Variants in RFPL2 observed in about 807,000 individuals in gnomAD.
RFPL2 encodes the protein ret finger protein-like 2.
In RFPL2, 13 loss-of-function variants were observed where a neutral mutation model predicts 17.8. The observed-to-expected ratio is 0.73, with a 90% confidence interval of 0.47 to 1.16. The LOEUF is 1.16. RFPL2 is among the 50% of genes most tolerant of loss of function. RFPL2 has a pLI of 0.00. For missense variants in RFPL2, 431 were observed against 479.3 expected (o/e 0.90, Z 0.94); for synonymous variants, 189 against 180.9 (o/e 1.04, Z -0.36).
chr22:32,194,146 G>A (rs125964), intron 3 of RFPL2, among the ~76,000 whole-genome samples, 199 bp downstream of exon 3: 81,968 of 152,006 alleles, frequency 0.54, 24,297 homozygotes, highest in African/African-American at 0.78. Context: ...AGCCTTGGAA[G>A]TGAATACCAA....
intron 1 of RFPL2, chr22:32,203,456 T>C (rs1924176651): frequency 6.6e-6 from 1 of 151,138 alleles, no homozygotes; most frequent in South Asian, 2.1e-4. Context: ...AACCCGGTAC[T>C]CGCCGCGGCA....
chr22:32,194,453 C>T lies in RFPL2; in HGVS notation c.157G>A (p.Val53Met), dbSNP rs1383352202. 1 of 1,611,866 alleles carries T rather than the reference C, an allele frequency of 6.2e-7. No homozygotes were observed. The highest frequency in any genetic ancestry group is 1.1e-5 in the South Asian group (1 of 90,584). The change falls in exon 3 of 5, where the codon GTG (valine) becomes ATG (methionine). Residue 53 changes from valine (V) to methionine (M), a missense_variant. Coordinates refer to ENST00000652607, the MANE Select transcript of RFPL2 (RefSeq NM_001394555.1). ...TTATTGGTGAGATTCCCACCTCCCA[C>T]TGGGTCACGCCCTTCCACACCCTCT... The part of the protein sequence containing the change: ...RLEGVEGRDP[V>M]GGGNLTNKRP...
intron 4 of RFPL2, 122 bp downstream of exon 4, chr22:32,192,780 G>A (rs1922816635): frequency 7.5e-7 from 1 of 1,338,508 alleles, no homozygotes; most frequent in Admixed American, 2.3e-5. Flanking sequence ...ATCTGATGAT[G>A]AAGCATCTCA....
intron 4 of RFPL2, among the ~76,000 whole-genome samples, chr22:32,191,948 C>T (rs1922703738): frequency 6.6e-6 from 1 of 151,798 alleles, no homozygotes; most frequent in African/African-American, 2.4e-5. Flanking sequence ...AACATATGAT[C>T]CTTCAAGTCA....
rs201412314 is a variant in RFPL2 at position 32,193,000 on chromosome 22, C to G, written c.458G>C (p.Arg153Pro). 1.2e-5 allele frequency: 19 copies of G among 1,614,134 alleles called. No homozygotes were observed. The Middle Eastern group carries it at 5.0e-4, about 42-fold the overall frequency. The part of the protein sequence containing the change: ...SMVSRKNKIR[R>P]NRQLERLASH... ...AGCCAGCCTCTCTAGCTGCCGATTG[C>G]GCCTGATTTTGTTCTTCCGAGAGAC... The change falls in exon 4 of 5, where the codon CGC becomes CCC. Residue 153 changes from arginine (R) to proline (P), a missense_variant. Arg to Pro is a moderately radical substitution (Grantham distance 103). Transcript: ENST00000652607.
chr22:32,191,470 C>T (rs958216872), intron 4 of RFPL2, 118 bp from the exon 5 acceptor site: 501 of 1,315,220 alleles, frequency 3.8e-4, no homozygotes, highest in Non-Finnish European at 4.7e-4. Context: ...CTTCTTCCCC[C>T]AAAATCCAAA....
intron 4 of RFPL2, 43 bp downstream of exon 4, chr22:32,192,859 T>C (rs764964893): frequency 1.2e-5 from 18 of 1,551,060 alleles, no homozygotes; most frequent in Non-Finnish European, 1.7e-6. Flanking sequence ...TGATTTTTCC[T>C]GGTCTGGTCT....
chr22:32,201,353 CT>C (rs1215348372), intron 2 of RFPL2, among the ~76,000 whole-genome samples: 5 of 152,114 alleles, frequency 3.3e-5, no homozygotes, highest in African/African-American at 1.2e-4. Context: ...TCCCTTATTT[CT>C]ATGAGAATAT....
At chr22:32,193,884 A>G (rs1400071266) in intron 3 of RFPL2, among the ~76,000 whole-genome samples, 2 of 139,314 alleles carry the variant, frequency 1.4e-5, no homozygotes, top group East Asian at 4.0e-4. Flanking sequence ...AAAAAAAAAA[A>G]AAGAGGGGCT....
At chr22:32,204,158 A>C (rs1924293164) in intron 1 of RFPL2, among the ~76,000 whole-genome samples, 1 of 53,404 alleles carries the variant, frequency 1.9e-5, no homozygotes, top group Non-Finnish European at 3.5e-5. Context: ...ATAACGCCCC[A>C]ACACGCTCCT....
At chr22:32,201,362 T>C (rs1923902398) in intron 2 of RFPL2, among the ~76,000 whole-genome samples, 1 of 152,182 alleles carries the variant, frequency 6.6e-6, no homozygotes, top group Non-Finnish European at 1.5e-5. Flanking sequence ...TCTATGAGAA[T>C]ATGCAAAGCA....
chr22:32,191,471 A>G, intron 4 of RFPL2, 119 bp from the exon 5 acceptor site: 1 of 1,314,412 alleles, frequency 7.6e-7, no homozygotes, highest in South Asian at 1.5e-5. Context: ...TTCTTCCCCC[A>G]AAATCCAAAC....
chr22:32,200,252 CA>C, intron 2 of RFPL2: 1 of 270,512 alleles, frequency 3.7e-6, no homozygotes. Context: ...ACCCTCGCCC[CA>C]CCCATGGGGG....
Position 32,205,005 on chromosome 22 carries a change from A to C in RFPL2, c.-398T>G, listed in dbSNP as rs902412308. 1 of 152,280 alleles carries C rather than the reference A, an allele frequency of 6.6e-6. No homozygotes were observed. Among genetic ancestry groups the C allele is most frequent in the Non-Finnish European group, 1.5e-5 (1 of 68,074 alleles). 9.4% of individuals were successfully genotyped at this position (152,280 alleles called of 1,614,324 possible). On this transcript the variant is annotated 5_prime_UTR_variant, in exon 1 of 5. Transcript: ENST00000652607. Reference sequence around the variant, plus strand: ...AAACTTCATTTGCATTAAACTCAGTATATAAAGGATGCCAAGAGGGGTGGC... The same window carrying C: ...AAACTTCATTTGCATTAAACTCAGTCTATAAAGGATGCCAAGAGGGGTGGC...
chr22:32,194,298 T>C, intron 3 of RFPL2, 47 bp downstream of exon 3: 1 of 1,583,806 alleles, frequency 6.3e-7, no homozygotes, highest in Non-Finnish European at 8.5e-7. Flanking sequence ...ATAACCCCCA[T>C]TTCTAGGCAT....
intron 1 of RFPL2, chr22:32,203,500 C>A (rs1420907193): frequency 6.6e-6 from 1 of 152,340 alleles, no homozygotes; most frequent in East Asian, 1.9e-4. Flanking sequence ...TGCCACCCAC[C>A]GCCGGCAGTG....
intron 2 of RFPL2, among the ~76,000 whole-genome samples, chr22:32,200,613 T>C (rs1185562723): frequency 2.6e-5 from 4 of 152,088 alleles, no homozygotes; most frequent in African/African-American, 9.7e-5. Flanking sequence ...CCCCAATTGC[T>C]GCCTCCTTCC....
intron 4 of RFPL2, among the ~76,000 whole-genome samples, chr22:32,192,586 C>T (rs1236926336): frequency 1.3e-5 from 2 of 152,322 alleles, no homozygotes; most frequent in African/African-American, 2.4e-5. Flanking sequence ...GCAAAGTCCC[C>T]AAGCCAGTGG....
chr22:32,192,685 T>C (rs1475677721), intron 4 of RFPL2, among the ~76,000 whole-genome samples: 1 of 152,250 alleles, frequency 6.6e-6, no homozygotes, highest in Non-Finnish European at 1.5e-5. Flanking sequence ...GAATCCCTTG[T>C]CTAACCCATG....
Sources: allele counts gnomAD v4.1 joint callset (sites outside exome capture counted in the v4.1 genomes callset), GRCh38; gene constraint gnomAD v4.1.1; transcripts MANE v1.5; gene names NCBI Gene and HGNC (gene_info 2026-07-23, HGNC 2026-07-21).